Variants in MIEF1 observed in about 807,000 individuals in gnomAD.
MIEF1 encodes mitochondrial elongation factor 1, also known as mitochondrial dynamics protein MIEF1.
Under a neutral mutation model 35.1 loss-of-function variants are expected in MIEF1, and 14 were observed. That is an observed-to-expected ratio of 0.40 (90% CI 0.26 to 0.62). The LOEUF is 0.62. MIEF1 is among the 20% of genes least tolerant of loss of function. The pLI, the probability that MIEF1 is intolerant of heterozygous loss-of-function variation, is 0.43. For missense variants in MIEF1, 542 were observed against 615.4 expected (o/e 0.88, Z 1.26); for synonymous variants, 245 against 254.3 (o/e 0.96, Z 0.35).
Position 39,517,441 on chromosome 22 carries a change from C to T in MIEF1, c.*3118C>T, listed in dbSNP as rs1930733858. 2.4e-6 allele frequency: 1 copy of T among 424,944 alleles called. No individual in the cohort carries two copies. Among genetic ancestry groups the T allele is most frequent in the South Asian group, 1.7e-5 (1 of 58,016 alleles). 26.3% of individuals were successfully genotyped at this position (424,944 alleles called of 1,614,324 possible). A position where few individuals can be genotyped will look rare whatever the true frequency, so the allele number is the denominator to read the frequency against. ...GGTCTCCTGGGTCCCGGCCACCTGT[C>T]CATATTCCACATTTGCTGACTGTGC... On this transcript the variant is annotated 3_prime_UTR_variant, in exon 6 of 6. Transcript: ENST00000325301.
At chr22:39,507,210 A>G (rs1930058387) in intron 2 of MIEF1, among the ~76,000 whole-genome samples, 2 of 152,096 alleles carry the variant, frequency 1.3e-5, no homozygotes, top group African/African-American at 2.4e-5. Flanking sequence ...CCGTCCTTGG[A>G]TGGTGGGCGG....
intron 1 of MIEF1, chr22:39,503,137 T>TC (rs1053601434): frequency 2.6e-4 from 39 of 152,260 alleles, no homozygotes; most frequent in African/African-American, 8.4e-4. Flanking sequence ...CCAGAAGTGC[T>TC]GTACACACGG....
Position 39,513,721 on chromosome 22 carries a change from G to A in MIEF1, c.790G>A (p.Asp264Asn), listed in dbSNP as rs2232091. ...GGYLSPKTVA[D>N]TFEKVVAGSI... The stretch of plus-strand genomic sequence containing the variant: ...CTACCTCTCTCCAAAGACAGTCGCA[G>A]ATACATTTGAGAAGGTAGTGGCTGG... The change falls in exon 6 of 6, where the codon GAT (aspartate) becomes AAT (asparagine). Residue 264 changes from aspartate to asparagine, a missense_variant. Transcript: ENST00000325301. 14,131 of 1,614,212 alleles carry A rather than the reference G, an allele frequency of 8.8e-3. 94 individuals are homozygous for A. The highest frequency in any genetic ancestry group is 0.011 in the Non-Finnish European group (12,792 of 1,180,028).
Position 39,511,303 on chromosome 22 carries a change from C to A in MIEF1, c.9C>A (p.Gly3=). 1 of 1,613,676 alleles carries A rather than the reference C, an allele frequency of 6.2e-7. No homozygotes were observed. Among genetic ancestry groups the A allele is most frequent in the South Asian group, 1.1e-5 (1 of 90,966 alleles). Residue 3 remains glycine (G), a synonymous_variant, in exon 3 of 6, where the codon GGC becomes GGA. Transcript: ENST00000325301. ...TCATTCTCAGATGAGCAATGGCAGG[C>A]GCTGGTGAGCGCAAAGGCAAGAAGG... MA[G]AGERKGKKDD...
At chr22:39,510,459 G>C (rs1930272360) in intron 2 of MIEF1, among the ~76,000 whole-genome samples, 1 of 152,138 alleles carries the variant, frequency 6.6e-6, no homozygotes, top group Admixed American at 6.5e-5. Flanking sequence ...TTTTGGAGAT[G>C]GGGGTCTTGC....
chr22:39,514,052 C>G lies in MIEF1; in HGVS notation c.1121C>G (p.Thr374Ser). 6.2e-7 allele frequency: 1 copy of G among 1,613,986 alleles called. No homozygotes were observed. Among genetic ancestry groups the G allele is most frequent in the Non-Finnish European group, 8.5e-7 (1 of 1,180,036 alleles). Residue 374 changes from threonine (T) to serine (S), a missense_variant, in exon 6 of 6, where the codon ACC becomes AGC. Thr to Ser is a moderately conservative substitution (Grantham distance 58). Coordinates refer to ENST00000325301, the MANE Select transcript of MIEF1 (RefSeq NM_019008.6). ...ATCCTCAAGGCCATATGCAAGTCCA[C>G]CCCGGCTCTGGGCCACCTCACTGCC... ...LKILKAICKS[T>S]PALGHLTASQ...
chr22:39,514,227 G>C lies in MIEF1; in HGVS notation c.1296G>C (p.Val432=). Reference sequence around the variant, plus strand: ...TGCCCAGTGCCCTAAACCCCAAGGTGAACTTATTTGCAGAGCTCACCCCTG... The same window carrying C: ...TGCCCAGTGCCCTAAACCCCAAGGTCAACTTATTTGCAGAGCTCACCCCTG... ...GVLPSALNPK[V]NLFAELTPEE... Residue 432 remains valine, a synonymous_variant, in exon 6 of 6, where the codon GTG becomes GTC. Coordinates refer to ENST00000325301, the MANE Select transcript of MIEF1 (RefSeq NM_019008.6). The C allele has an allele frequency of 6.2e-7, 1 of 1,614,234 alleles. No individual in the cohort carries two copies. The highest frequency in any genetic ancestry group is 1.7e-5 in the Admixed American group (1 of 60,034).
At chr22:39,509,911 G>A (rs1930245099) in intron 2 of MIEF1, among the ~76,000 whole-genome samples, 1 of 152,160 alleles carries the variant, frequency 6.6e-6, no homozygotes, top group Non-Finnish European at 1.5e-5. Context: ...AGTAGAAAAA[G>A]CGTCATACAA....
At chr22:39,507,059 G>A (rs1028137737) in intron 2 of MIEF1, among the ~76,000 whole-genome samples, 3 of 152,188 alleles carry the variant, frequency 2.0e-5, no homozygotes, top group Non-Finnish European at 4.4e-5. Context: ...TTATGCAGCA[G>A]AACCTGAGTG....
At position 39,512,443 on chromosome 22, in the gene MIEF1, C is replaced by T. The variant is rs748626701; in HGVS notation, c.534C>T (p.Asp178=). 6.2e-7 allele frequency: 1 copy of T among 1,614,098 alleles called. No individual in the cohort carries two copies. The highest frequency in any genetic ancestry group is 8.5e-7 in the Non-Finnish European group (1 of 1,180,006). Residue 178 remains aspartate, a synonymous_variant, in exon 5 of 6, where the codon GAC becomes GAT. Coordinates refer to ENST00000325301, the MANE Select transcript of MIEF1 (RefSeq NM_019008.6). ...LRSFLRAKLP[D]MPLRDMYLSG... is the part of the protein sequence containing the mutation. Reference sequence around the variant, plus strand: ...GCTTCCTGCGGGCCAAGTTGCCTGACATGCCGCTTCGGGACATGTACTTGA... The same window carrying T: ...GCTTCCTGCGGGCCAAGTTGCCTGATATGCCGCTTCGGGACATGTACTTGA...
At chr22:39,501,055 C>G (rs1929676736), upstream of MIEF1, among the ~76,000 whole-genome samples, 1 of 152,140 alleles carries the variant, frequency 6.6e-6, no homozygotes, top group South Asian at 2.1e-4. Flanking sequence ...CCGTTATTCT[C>G]AAGCCAGACA....
At chr22:39,503,725 TAGG>T (rs1486233960) in intron 1 of MIEF1, 4 of 152,414 alleles carry the variant, frequency 2.6e-5, no homozygotes, top group African/African-American at 9.6e-5. Flanking sequence ...ACAGAGAGGT[TAGG>T]AGACTTGCCC....
At position 39,511,092 on chromosome 22, in the gene MIEF1, C is replaced by G. The variant is rs1930307077; in HGVS notation, c.-7-196C>G. ...TTTTCCTACAATACCCAAGATCAGC[C>G]CCTCCTCCTTGCATCCTGATCTATC... On this transcript the variant is annotated intron_variant, in intron 2 of 5. Transcript: ENST00000325301. 3.3e-5 allele frequency among the ~76,000 whole-genome samples: 5 copies of G among 152,238 alleles called. 1 individual carries two copies. In the South Asian group the frequency reaches 1.0e-3, roughly 32 times the overall value.
rs994381847 is a variant in MIEF1 at position 39,517,353 on chromosome 22, T to A, written c.*3030T>A. 3.7e-6 allele frequency: 1 copy of A among 269,284 alleles called. No individual in the cohort carries two copies. The highest frequency in any genetic ancestry group is 3.5e-5 in the South Asian group (1 of 28,878). The allele number at this position is 269,284 out of a possible 1,614,324, so 16.7% of individuals were successfully genotyped here. A position where few individuals can be genotyped will look rare whatever the true frequency, so the allele number is the denominator to read the frequency against. On this transcript the variant is annotated 3_prime_UTR_variant, in exon 6 of 6. Coordinates refer to ENST00000325301, the MANE Select transcript of MIEF1 (RefSeq NM_019008.6). The stretch of plus-strand genomic sequence containing the variant: ...TTTTCTTTACATGCTTGGTTATGAC[T>A]TTTAAAGTTTTATTTAAATAAATGT...
chr22:39,509,183 C>T (rs1429640721), intron 2 of MIEF1, among the ~76,000 whole-genome samples: 2 of 151,950 alleles, frequency 1.3e-5, no homozygotes, highest in African/African-American at 2.4e-5. Flanking sequence ...CTTGAACTTC[C>T]GACCTCGTGA....
intron 3 of MIEF1, 141 bp from the exon 4 acceptor site, chr22:39,511,708 G>A: frequency 8.2e-7 from 1 of 1,219,870 alleles, no homozygotes; most frequent in African/African-American, 1.5e-5. Flanking sequence ...TTTCTGCGTG[G>A]AGCAAAGTAT....
Position 39,512,435 on chromosome 22 carries a change from T to G in MIEF1, c.526T>G (p.Leu176Val). The G allele has an allele frequency of 6.2e-7, 1 of 1,614,094 alleles. No homozygotes were observed. The highest frequency in any genetic ancestry group is 8.5e-7 in the Non-Finnish European group (1 of 1,179,974). The change falls in exon 5 of 6, where the codon TTG (leucine) becomes GTG (valine). Residue 176 changes from leucine to valine, a missense_variant. Transcript: ENST00000325301. The part of the protein sequence containing the change: ...AELRSFLRAK[L>V]PDMPLRDMYL... ...GCTCCGGAGCTTCCTGCGGGCCAAG[T>G]TGCCTGACATGCCGCTTCGGGACAT...
At chr22:39,503,819 CT>C (rs1453810478) in intron 1 of MIEF1, 2 of 154,548 alleles carry the variant, frequency 1.3e-5, no homozygotes, top group African/African-American at 4.8e-5. Flanking sequence ...AGATCACCCC[CT>C]GTGGTGAAGT....
intron 2 of MIEF1, among the ~76,000 whole-genome samples, chr22:39,508,801 A>G (rs1365810117): frequency 2.0e-5 from 3 of 152,214 alleles, no homozygotes; most frequent in Non-Finnish European, 4.4e-5. Context: ...TGTGAACTCT[A>G]GTTAGGGAAA....
Sources: gnomAD v4.1 joint callset for allele counts (sites outside exome capture counted in the v4.1 genomes callset) on GRCh38, gnomAD v4.1.1 for gene constraint, MANE v1.5 for transcripts, NCBI Gene and HGNC (gene_info 2026-07-23, HGNC 2026-07-21) for gene names.